CCSER1: variants seen among roughly 807,000 people sequenced by gnomAD.
CCSER1 encodes coiled-coil serine rich protein 1.
Under a neutral mutation model 82.0 loss-of-function variants are expected in CCSER1, and 41 were observed. The ratio of observed to expected loss-of-function variants is 0.50; its 90% CI spans 0.39 to 0.65. The LOEUF is 0.65. Ranked by LOEUF, CCSER1 falls within the 30% of genes least tolerant of loss-of-function variation. The pLI is 0.00. For missense variants in CCSER1, 1,119 were observed against 1,064.2 expected, an observed-to-expected ratio of 1.05 and a Z score of -0.72; for synonymous variants, 414 against 383.9, an observed-to-expected ratio of 1.08 and a Z score of -0.92.
intron 8 of CCSER1, among the ~76,000 whole-genome samples, chr4:90,861,928 T>TATATA (rs1561265442): frequency 1.1e-3 from 117 of 109,376 alleles, no homozygotes; most frequent in Non-Finnish European, 1.4e-3. Context: ...ATATATATAT[T>TATATA]TTTTTTTTCT....
At chr4:90,318,486 T>G (rs1305131557) in intron 3 of CCSER1, among the ~76,000 whole-genome samples, 2 of 152,230 alleles carry the variant, frequency 1.3e-5, no homozygotes, top group Non-Finnish European at 2.9e-5. Flanking sequence ...GCTGCTTTTA[T>G]GTGGAAACTG....
At chr4:91,027,797 AC>A (rs1473232972) in intron 9 of CCSER1, among the ~76,000 whole-genome samples, 3 of 152,010 alleles carry the variant, frequency 2.0e-5, no homozygotes, top group African/African-American at 7.2e-5. Flanking sequence ...TAGTGATTGG[AC>A]CTGTGTTTAG....
At chr4:90,593,712 C>A (rs1409388380) in intron 5 of CCSER1, among the ~76,000 whole-genome samples, 5 of 151,930 alleles carry the variant, frequency 3.3e-5, no homozygotes, top group African/African-American at 1.2e-4. Context: ...GTGTTATATT[C>A]ATATTGCCTT....
intron 4 of CCSER1, among the ~76,000 whole-genome samples, chr4:90,411,883 A>G (rs903087129): frequency 3.9e-5 from 6 of 152,158 alleles, no homozygotes; most frequent in African/African-American, 1.4e-4. Flanking sequence ...CCATTGTCTC[A>G]GCCCAAAATC....
chr4:90,724,281 G>T (rs966302268), intron 7 of CCSER1, among the ~76,000 whole-genome samples: 3 of 151,746 alleles, frequency 2.0e-5, no homozygotes, highest in Admixed American at 6.6e-5. Flanking sequence ...TAAATATTTT[G>T]TTTATAGTAA....
intron 3 of CCSER1, among the ~76,000 whole-genome samples, chr4:90,397,269 A>G (rs1215975011): frequency 6.6e-6 from 1 of 152,254 alleles, no homozygotes; most frequent in Non-Finnish European, 1.5e-5. Context: ...AAATAAAATG[A>G]GAACAATGTC....
At chr4:91,186,418 A>T (rs1274549776) in intron 10 of CCSER1, among the ~76,000 whole-genome samples, 2 of 152,094 alleles carry the variant, frequency 1.3e-5, no homozygotes, top group African/African-American at 4.8e-5. Flanking sequence ...GGATTGCTTT[A>T]AGAGTACTTG....
intron 10 of CCSER1, among the ~76,000 whole-genome samples, chr4:91,161,976 A>G (rs536003507): frequency 9.2e-5 from 14 of 152,126 alleles, no homozygotes; most frequent in African/African-American, 2.9e-4. Flanking sequence ...ACTATGTTGA[A>G]TAGGAGTGGT....
At chr4:91,172,288 G>T (rs1289435300) in intron 10 of CCSER1, among the ~76,000 whole-genome samples, 1 of 152,074 alleles carries the variant, frequency 6.6e-6, no homozygotes, top group Non-Finnish European at 1.5e-5. Flanking sequence ...AAGAAATTTT[G>T]TTCAACCAGA....
chr4:91,012,195 G>C lies in CCSER1; in HGVS notation c.2173-73755G>C, dbSNP rs62309836. ...CCAGGGTATTTTCCCCAGAGGTACA[G>C]TACAGCTTTACTCAGGCACAGGGTA... is the stretch of plus-strand genomic sequence containing the variant. On this transcript the variant is annotated intron_variant, in intron 9 of 10. Transcript: ENST00000509176. Among the ~76,000 whole-genome samples, 2 of 134,560 alleles carry C rather than the reference G, an allele frequency of 1.5e-5. 1 individual carries two copies. The highest frequency in any genetic ancestry group is 4.8e-4 in the South Asian group (2 of 4,188). 88.3% of individuals were successfully genotyped at this position (134,560 alleles called of 152,430 possible). A position where few individuals can be genotyped will look rare whatever the true frequency, so the allele number is the denominator to read the frequency against.
intron 9 of CCSER1, 98 bp from the exon 10 acceptor site, chr4:91,085,852 A>C: frequency 1.4e-6 from 1 of 736,378 alleles, no homozygotes; most frequent in East Asian, 2.7e-5. Context: ...GTTACGAATA[A>C]GTGAATTATT....
At chr4:91,482,408 CAAA>C (rs537828832) in intron 10 of CCSER1, among the ~76,000 whole-genome samples, 788 of 69,934 alleles carry the variant, frequency 0.011, 1 homozygote, top group Middle Eastern at 0.03. Context: ...GACTCCGTCT[CAAA>C]AAAAAAAAAA....
intron 10 of CCSER1, among the ~76,000 whole-genome samples, chr4:91,438,615 G>A (rs1252442434): frequency 4.6e-5 from 7 of 152,182 alleles, no homozygotes; most frequent in Admixed American, 1.3e-4. Flanking sequence ...CACCAGCAAC[G>A]GAACAAAGCT....
chr4:90,411,434 T>A (rs1560475963), intron 4 of CCSER1, among the ~76,000 whole-genome samples: 3 of 152,190 alleles, frequency 2.0e-5, no homozygotes, highest in Non-Finnish European at 4.4e-5. Context: ...CACGATCACA[T>A]GGGCTTCATC....
chr4:90,327,829 C>T (rs1247656042), intron 3 of CCSER1, among the ~76,000 whole-genome samples: 1 of 152,088 alleles, frequency 6.6e-6, no homozygotes, highest in African/African-American at 2.4e-5. Context: ...AAAATTGCCC[C>T]CAGTTGAGAA....
At chr4:91,099,668 G>A (rs777617767) in intron 10 of CCSER1, among the ~76,000 whole-genome samples, 1 of 152,124 alleles carries the variant, frequency 6.6e-6, no homozygotes, top group East Asian at 1.9e-4. Context: ...AAAGCAGGGG[G>A]TGGGGTGGGG....
Position 90,723,902 on chromosome 4 carries a change from C to T in CCSER1, c.1933-12C>T, listed in dbSNP as rs751673181. On this transcript the variant is annotated splice_polypyrimidine_tract_variant and intron_variant, in intron 6 of 10. Coordinates refer to ENST00000509176, the MANE Select transcript of CCSER1 (RefSeq NM_001145065.2). ...ACAATCCTAATTAAATTCAATTTCACTGTCCTTGCAGAGTGCAGACATGAG... is the reference window on the plus strand; with the variant it reads ...ACAATCCTAATTAAATTCAATTTCATTGTCCTTGCAGAGTGCAGACATGAG... The T allele has an allele frequency of 3.5e-6, 5 of 1,417,030 alleles. No homozygotes were observed. The East Asian group carries it at 1.3e-4, about 36-fold the overall frequency. 87.8% of individuals were successfully genotyped at this position (1,417,030 alleles called of 1,614,324 possible). A position where few individuals can be genotyped will look rare whatever the true frequency, so the allele number is the denominator to read the frequency against.
At chr4:90,131,003 AGTTT>A (rs1205150773) in intron 1 of CCSER1, among the ~76,000 whole-genome samples, 2 of 149,452 alleles carry the variant, frequency 1.3e-5, no homozygotes, top group Non-Finnish European at 3.0e-5. Flanking sequence ...TTTGTTTGTT[AGTTT>A]GTTTTTTGAG....
At chr4:91,502,832 A>C (rs975446996) in intron 10 of CCSER1, among the ~76,000 whole-genome samples, 1 of 152,232 alleles carries the variant, frequency 6.6e-6, no homozygotes, top group Non-Finnish European at 1.5e-5. Flanking sequence ...GAGTTTAATA[A>C]GTATTTGAGA....
Sources: gnomAD v4.1 joint callset for allele counts (sites outside exome capture counted in the v4.1 genomes callset) on GRCh38, gnomAD v4.1.1 for gene constraint, MANE v1.5 for transcripts, NCBI Gene and HGNC (gene_info 2026-07-23, HGNC 2026-07-21) for gene names.